PTPRD: variants seen among roughly 807,000 people sequenced by gnomAD.
The protein encoded by PTPRD is protein tyrosine phosphatase receptor type D.
In PTPRD, 34 loss-of-function variants were observed where a neutral mutation model predicts 214.5. The ratio of observed to expected loss-of-function variants is 0.16; its 90% CI spans 0.12 to 0.21. The LOEUF is 0.21. Among genes scored for constraint, PTPRD ranks in the 10% least tolerant of loss-of-function variants. The probability of loss-of-function intolerance (pLI) is 1.00; values close to 1 mark genes in which losing one functional copy is unlikely to be tolerated. For synonymous variants in PTPRD, 1,128 were observed against 845.7 expected (o/e 1.33, Z -5.79); for missense variants, 2,545 against 2,398.7 (o/e 1.06, Z -1.27).
intron 21 of PTPRD, among the ~76,000 whole-genome samples, chr9:8,517,189 T>C (rs1021774507): frequency 2.6e-5 from 4 of 152,138 alleles, no homozygotes; most frequent in Non-Finnish European, 5.9e-5. Context: ...CCAAAGAGGT[T>C]TGATAACCTC....
chr9:10,353,538 G>A (rs1004977719), intron 2 of PTPRD, among the ~76,000 whole-genome samples: 3 of 151,894 alleles, frequency 2.0e-5, no homozygotes, highest in Non-Finnish European at 4.4e-5. Flanking sequence ...TGGGAGAAGA[G>A]AGGATTTGGA....
intron 8 of PTPRD, among the ~76,000 whole-genome samples, chr9:9,566,630 A>T (rs2084628933): frequency 6.6e-6 from 1 of 152,042 alleles, no homozygotes; most frequent in Admixed American, 6.6e-5. Context: ...GCTAAACACT[A>T]TAAAATATAA....
At chr9:10,430,147 A>G (rs889149537) in intron 2 of PTPRD, among the ~76,000 whole-genome samples, 8 of 152,010 alleles carry the variant, frequency 5.3e-5, no homozygotes. Context: ...AAGGGAGATG[A>G]TAATGGATAA....
intron 11 of PTPRD, among the ~76,000 whole-genome samples, chr9:8,777,337 A>C (rs1272945095): frequency 2.0e-5 from 3 of 151,886 alleles, no homozygotes; most frequent in Non-Finnish European, 4.4e-5. Flanking sequence ...AAATTAATAC[A>C]TTTGTCTTTT....
intron 11 of PTPRD, among the ~76,000 whole-genome samples, chr9:8,775,181 G>A (rs912949057): frequency 6.6e-6 from 1 of 152,150 alleles, no homozygotes; most frequent in African/African-American, 2.4e-5. Context: ...TCATACGTCA[G>A]AGCAAACAGC....
chr9:10,309,839 C>A (rs1448485666), intron 3 of PTPRD, among the ~76,000 whole-genome samples: 2 of 151,996 alleles, frequency 1.3e-5, no homozygotes, highest in African/African-American at 4.8e-5. Flanking sequence ...AAGAAGGGCA[C>A]AATTTTGCAG....
At chr9:10,383,438 G>A (rs1586808668) in intron 2 of PTPRD, among the ~76,000 whole-genome samples, 1 of 151,728 alleles carries the variant, frequency 6.6e-6, no homozygotes, top group African/African-American at 2.4e-5. Context: ...TGCTTCCTTT[G>A]CTCCTTTCTT....
At chr9:8,854,845 CTACATTATGCAAATAACATCCTT>C (rs1566636409) in intron 11 of PTPRD, among the ~76,000 whole-genome samples, 1 of 152,134 alleles carries the variant, frequency 6.6e-6, no homozygotes, top group East Asian at 1.9e-4. Context: ...TCTTTTAACC[CTACATTATGCAAATAACATCCTT>C]ATCAGTCCAA....
At chr9:9,830,098 G>T (rs1279606100) in intron 5 of PTPRD, among the ~76,000 whole-genome samples, 1 of 151,366 alleles carries the variant, frequency 6.6e-6, no homozygotes. Flanking sequence ...AAATAATATT[G>T]TTTTATAATT....
chr9:10,271,534 C>CTTTTTTTTTTTTTTTTTTTTTT lies in PTPRD; in HGVS notation c.-545+69428_-545+69429insAAAAAAAAAAAAAAAAAAAAAA, dbSNP rs1251429330. 2.3e-5 allele frequency among the ~76,000 whole-genome samples: 2 copies of CTTTTTTTTTTTTTTTTTTTTTT among 86,572 alleles called. 1 individual carries two copies. 56.8% of individuals were successfully genotyped at this position (86,572 alleles called of 152,430 possible). ...CCAATACTGATAAATTCAATTGTTT[C>CTTTTTTTTTTTTTTTTTTTTTT]TTTTCTTTTCTTTTCTTTTTTTTTT... On this transcript the variant is annotated intron_variant, in intron 3 of 45. Coordinates refer to ENST00000381196, the MANE Select transcript of PTPRD (RefSeq NM_002839.4).
Position 8,948,518 on chromosome 9 carries a change from TTTA to T in PTPRD, c.-104+70176_-104+70178del, listed in dbSNP as rs1567183912. 7.4e-3 allele frequency among the ~76,000 whole-genome samples: 140 copies of T among 18,938 alleles called. 16 individuals carry two copies. The highest frequency in any genetic ancestry group is 0.013 in the African/African-American group (112 of 8,658). 12.4% of individuals were successfully genotyped at this position (18,938 alleles called of 152,430 possible). A position where few individuals can be genotyped will look rare whatever the true frequency, so the allele number is the denominator to read the frequency against. On this transcript the variant is annotated intron_variant, in intron 11 of 45. Transcript: ENST00000381196. Reference sequence around the variant, plus strand: ...TTATATATATATTTATATATATATATTTATATATATATTTATATATATATTTAT... The same window carrying T: ...TTATATATATATTTATATATATATATTATATATATTTATATATATATTTAT...
intron 11 of PTPRD, among the ~76,000 whole-genome samples, chr9:8,831,215 A>G (rs2097283187): frequency 6.6e-6 from 1 of 152,194 alleles, no homozygotes; most frequent in African/African-American, 2.4e-5. Context: ...CAAAACTGTC[A>G]TGAATTCATT....
chr9:10,100,002 C>A (rs1358857602), intron 3 of PTPRD, among the ~76,000 whole-genome samples: 3 of 151,660 alleles, frequency 2.0e-5, no homozygotes, highest in African/African-American at 7.3e-5. Context: ...TTTATAAATT[C>A]ACCTTCTCCC....
intron 8 of PTPRD, among the ~76,000 whole-genome samples, chr9:9,566,125 T>A (rs2154296462): frequency 6.6e-6 from 1 of 152,132 alleles, no homozygotes; most frequent in Non-Finnish European, 1.5e-5. Context: ...GGTGTATATA[T>A]ATTTTTTTCT....
chr9:10,381,038 G>A (rs1043682397), intron 2 of PTPRD, among the ~76,000 whole-genome samples: 2 of 151,368 alleles, frequency 1.3e-5, no homozygotes, highest in Non-Finnish European at 1.5e-5. Flanking sequence ...TTAGTAGGAC[G>A]CTCAACTCAG....
At chr9:9,498,888 T>C (rs2096294604) in intron 8 of PTPRD, among the ~76,000 whole-genome samples, 1 of 152,114 alleles carries the variant, frequency 6.6e-6, no homozygotes, top group Non-Finnish European at 1.5e-5. Context: ...ACAATCACAA[T>C]TAAATCAGAT....
Position 10,511,852 on chromosome 9 carries a change from C to CTG in PTPRD, c.-600+100544_-600+100545dup, listed in dbSNP as rs201439443. Among the ~76,000 whole-genome samples the CTG allele has an allele frequency of 4.5e-3, 477 of 107,142 alleles. 12 individuals carry two copies. The highest frequency in any genetic ancestry group is 0.015 in the African/African-American group (397 of 26,230). The allele number at this position is 107,142 out of a possible 152,430, so 70.3% of individuals were successfully genotyped here. On this transcript the variant is annotated intron_variant, in intron 2 of 45. Transcript: ENST00000381196. ...TAAAACCATGGAACCATATACATATCTGTGTGTGTGTGTGTGTGTGTGTGT... is the reference window on the plus strand; with the variant it reads ...TAAAACCATGGAACCATATACATATCTGTGTGTGTGTGTGTGTGTGTGTGTGT...
intron 14 of PTPRD, among the ~76,000 whole-genome samples, chr9:8,598,701 C>T (rs1403161801): frequency 6.6e-6 from 1 of 152,164 alleles, no homozygotes; most frequent in Non-Finnish European, 1.5e-5. Context: ...TAAAAAGTAT[C>T]CTTCATCATG....
intron 8 of PTPRD, among the ~76,000 whole-genome samples, chr9:9,540,767 T>C (rs936928535): frequency 6.6e-6 from 1 of 151,820 alleles, no homozygotes. Flanking sequence ...GTGCCACCAG[T>C]AAATGAAATC....
Sources: gnomAD v4.1 joint callset for allele counts (sites outside exome capture counted in the v4.1 genomes callset) on GRCh38, gnomAD v4.1.1 for gene constraint, MANE v1.5 for transcripts, NCBI Gene and HGNC (gene_info 2026-07-23, HGNC 2026-07-21) for gene names.